The following PLXDC2 variants were observed in gnomAD, a reference collection of about 807,000 sequenced individuals.
The protein encoded by PLXDC2 is plexin domain-containing protein 2.
Under a neutral mutation model 68.9 loss-of-function variants are expected in PLXDC2, and 40 were observed. The ratio of observed to expected loss-of-function variants is 0.58; its 90% CI spans 0.45 to 0.76. The LOEUF is 0.76. Ranked by LOEUF, PLXDC2 falls within the 30% of genes least tolerant of loss-of-function variation. The probability of loss-of-function intolerance (pLI) is 0.00; values close to 1 mark genes in which losing one functional copy is unlikely to be tolerated. For missense variants in PLXDC2, 644 were observed against 661.9 expected, an observed-to-expected ratio of 0.97 and a Z score of 0.30; for synonymous variants, 243 against 234.2, an observed-to-expected ratio of 1.04 and a Z score of -0.34.
intron 2 of PLXDC2, among the ~76,000 whole-genome samples, chr10:20,025,118 T>C (rs1274144746): frequency 6.6e-6 from 1 of 152,198 alleles, no homozygotes; most frequent in Admixed American, 6.5e-5. Context: ...TTGGTAATTC[T>C]GTTGCAAGTT....
At chr10:20,143,712 A>C (rs1011462657) in intron 5 of PLXDC2, among the ~76,000 whole-genome samples, 1 of 152,068 alleles carries the variant, frequency 6.6e-6, no homozygotes, top group Admixed American at 6.5e-5. Flanking sequence ...CAGTTTTCCA[A>C]TTTTCCCATC....
rs573806309 is a variant in PLXDC2, at chr10:20,064,424, G to A, written c.472-3746G>A. Among the ~76,000 whole-genome samples, 13 of 152,108 alleles carry A rather than the reference G, an allele frequency of 8.5e-5. No homozygotes were observed. The East Asian group carries it at 2.5e-3, about 29-fold the overall frequency. On this transcript the variant is annotated intron_variant, in intron 3 of 13. Transcript: ENST00000377252. Reference sequence around the variant, plus strand: ...TTTAGTAGAGATGGGGTTTCACCGTGTTAGCCAGGATGGTCTCGATCTCCT... The same window carrying A: ...TTTAGTAGAGATGGGGTTTCACCGTATTAGCCAGGATGGTCTCGATCTCCT...
At chr10:19,846,961 G>A (rs1160674971) in intron 1 of PLXDC2, among the ~76,000 whole-genome samples, 1 of 152,106 alleles carries the variant, frequency 6.6e-6, no homozygotes, top group Non-Finnish European at 1.5e-5. Context: ...GAGAGCGTGT[G>A]CAGGTGGAGT....
Position 20,286,742 on chromosome 10 carries a change from G to A in PLXDC2, c.*6923G>A, listed in dbSNP as rs1836157599. ...TATTAACTTCTTTTAGTTGTTGTTT[G>A]AGATGGGGTTTTGCTCTTGTTACCC... On this transcript the variant is annotated 3_prime_UTR_variant, in exon 14 of 14. Transcript: ENST00000377252. The A allele has an allele frequency of 6.6e-6, 1 of 152,138 alleles. No homozygotes were observed. Among genetic ancestry groups the A allele is most frequent in the African/African-American group, 2.4e-5 (1 of 41,428 alleles). 9.4% of individuals were successfully genotyped at this position (152,138 alleles called of 1,614,324 possible). A position where few individuals can be genotyped will look rare whatever the true frequency, so the allele number is the denominator to read the frequency against.
intron 4 of PLXDC2, among the ~76,000 whole-genome samples, chr10:20,137,605 C>T (rs1359582529): frequency 6.6e-6 from 1 of 152,200 alleles, no homozygotes; most frequent in Non-Finnish European, 1.5e-5. Context: ...GGAATTTTCG[C>T]ACAGACAGAA....
chr10:20,203,255 T>C (rs935168347), intron 9 of PLXDC2, among the ~76,000 whole-genome samples: 2 of 151,930 alleles, frequency 1.3e-5, no homozygotes, highest in African/African-American at 2.4e-5. Flanking sequence ...GAAATACCTT[T>C]TTTGCCTATT....
chr10:20,100,916 A>G (rs1241984871), intron 4 of PLXDC2, among the ~76,000 whole-genome samples: 1 of 152,062 alleles, frequency 6.6e-6, no homozygotes, highest in Non-Finnish European at 1.5e-5. Flanking sequence ...GCACGTTGTG[A>G]ATTGTGTTGG....
chr10:20,087,861 C>T (rs766890682), intron 4 of PLXDC2, among the ~76,000 whole-genome samples: 1 of 152,090 alleles, frequency 6.6e-6, no homozygotes, highest in Non-Finnish European at 1.5e-5. Context: ...AATTTCCCTA[C>T]CACTTCCAAC....
chr10:19,878,542 C>T (rs926593155), intron 1 of PLXDC2, among the ~76,000 whole-genome samples: 1 of 152,046 alleles, frequency 6.6e-6, no homozygotes, highest in Non-Finnish European at 1.5e-5. Context: ...CAAAGAAAGT[C>T]TTTGGATAAC....
intron 1 of PLXDC2, among the ~76,000 whole-genome samples, chr10:19,880,058 A>C (rs973545256): frequency 2.8e-4 from 42 of 152,212 alleles, no homozygotes; most frequent in African/African-American, 9.6e-4. Flanking sequence ...GAGGATTTCA[A>C]AACATTGAAA....
chr10:20,114,247 C>A (rs962626995), intron 4 of PLXDC2, among the ~76,000 whole-genome samples: 2 of 152,198 alleles, frequency 1.3e-5, no homozygotes, highest in Non-Finnish European at 2.9e-5. Flanking sequence ...GCTGGCATAG[C>A]CTTCCACCAT....
intron 1 of PLXDC2, among the ~76,000 whole-genome samples, chr10:19,874,691 G>C (rs1455420109): frequency 1.3e-5 from 2 of 152,190 alleles, no homozygotes; most frequent in Non-Finnish European, 2.9e-5. Flanking sequence ...ATTAGACAAG[G>C]CTTCTTGAAA....
At chr10:19,841,254 A>T (rs1200842185) in intron 1 of PLXDC2, among the ~76,000 whole-genome samples, 1 of 152,154 alleles carries the variant, frequency 6.6e-6, no homozygotes, top group Non-Finnish European at 1.5e-5. Context: ...TGTGCACATT[A>T]TGATTAAAAA....
chr10:19,890,379 T>C (rs1003682743), intron 1 of PLXDC2, among the ~76,000 whole-genome samples: 14 of 152,212 alleles, frequency 9.2e-5, no homozygotes, highest in African/African-American at 2.9e-4. Flanking sequence ...ACTAGTTAGT[T>C]TTTCAGCCCT....
At chr10:19,878,933 G>A (rs542808486) in intron 1 of PLXDC2, among the ~76,000 whole-genome samples, 2 of 152,218 alleles carry the variant, frequency 1.3e-5, no homozygotes, top group South Asian at 4.1e-4. Context: ...TTAAGAAGAA[G>A]CAGAGGGTTT....
At chr10:19,991,116 C>A (rs941254391) in intron 1 of PLXDC2, among the ~76,000 whole-genome samples, 1 of 151,952 alleles carries the variant, frequency 6.6e-6, no homozygotes, top group African/African-American at 2.4e-5. Context: ...CGTGGTAGCA[C>A]GTGCCTGTAA....
intron 1 of PLXDC2, among the ~76,000 whole-genome samples, chr10:19,916,624 A>T (rs1403420069): frequency 6.6e-6 from 1 of 152,056 alleles, no homozygotes; most frequent in Non-Finnish European, 1.5e-5. Flanking sequence ...ATGATTATTT[A>T]TTATTATTAT....
At chr10:20,121,643 G>A (rs371493056) in intron 4 of PLXDC2, among the ~76,000 whole-genome samples, 3 of 152,278 alleles carry the variant, frequency 2.0e-5, no homozygotes, top group South Asian at 2.1e-4. Context: ...AAGAAAGCAT[G>A]TTTGAGATCC....
chr10:20,074,560 A>AATGC (rs1435142227), intron 4 of PLXDC2, among the ~76,000 whole-genome samples: 4 of 152,152 alleles, frequency 2.6e-5, no homozygotes, highest in Non-Finnish European at 2.9e-5. Context: ...TAAAAATATT[A>AATGC]ATGCATTTTA....
Sources: gnomAD v4.1 joint callset for allele counts (sites outside exome capture counted in the v4.1 genomes callset) on GRCh38, gnomAD v4.1.1 for gene constraint, MANE v1.5 for transcripts, NCBI Gene and HGNC (gene_info 2026-07-23, HGNC 2026-07-21) for gene names.